METAP2: variants seen among roughly 807,000 people sequenced by gnomAD.
The protein encoded by METAP2 is methionyl aminopeptidase 2.
Under a neutral mutation model 59.4 loss-of-function variants are expected in METAP2, and 25 were observed. The ratio of observed to expected loss-of-function variants is 0.42; its 90% confidence interval spans 0.31 to 0.59. The LOEUF is 0.59. Ranked by LOEUF, METAP2 falls within the 20% of genes least tolerant of loss-of-function variation. The pLI, the probability that METAP2 is intolerant of heterozygous loss-of-function variation, is 0.16. For synonymous variants in METAP2, 214 were observed against 194.1 expected (o/e 1.10, Z -0.85); for missense variants, 366 against 581.2 (o/e 0.63, Z 3.81).
intron 3 of METAP2, among the ~76,000 whole-genome samples, chr12:95,485,477 TTTC>T (rs1309032796): frequency 6.6e-6 from 1 of 151,978 alleles, no homozygotes; most frequent in Non-Finnish European, 1.5e-5. Context: ...AATAATAGTT[TTTC>T]TTATTTTATT....
At chr12:95,475,166 A>T (rs889375159) in intron 1 of METAP2, among the ~76,000 whole-genome samples, 7 of 152,208 alleles carry the variant, frequency 4.6e-5, no homozygotes, top group African/African-American at 1.4e-4. Context: ...TCACCTTAAT[A>T]AAAATTATTT....
chr12:95,501,440 G>A (rs781031876), intron 7 of METAP2, among the ~76,000 whole-genome samples: 17 of 152,184 alleles, frequency 1.1e-4, no homozygotes, highest in South Asian at 8.3e-4. Context: ...AATTTTGGCC[G>A]CGCGCGGTGG....
chr12:95,507,758 A>T (rs2769433), intron 8 of METAP2, among the ~76,000 whole-genome samples: 96,857 of 151,034 alleles, frequency 0.64, 32,091 homozygotes, highest in African/African-American at 0.81. Context: ...GCATTAGATA[A>T]CCTTCCATGA....
chr12:95,483,014 G>C (rs2140141233), intron 2 of METAP2, among the ~76,000 whole-genome samples: 1 of 152,256 alleles, frequency 6.6e-6, no homozygotes, highest in South Asian at 2.1e-4. Context: ...TTCCCTAGTA[G>C]CTGGGACTAT....
At chr12:95,488,045 G>A (rs1025726301) in intron 4 of METAP2, among the ~76,000 whole-genome samples, 3 of 152,098 alleles carry the variant, frequency 2.0e-5, no homozygotes, top group African/African-American at 7.2e-5. Flanking sequence ...TCTGAAATAC[G>A]TTTTTAGGAG....
At chr12:95,510,488 C>A (rs901353498) in intron 8 of METAP2, among the ~76,000 whole-genome samples, 1 of 152,114 alleles carries the variant, frequency 6.6e-6, no homozygotes, top group Admixed American at 6.5e-5. Context: ...TCAAACTTGT[C>A]CTTTACAGGG....
chr12:95,482,698 A>C (rs1482696770), intron 2 of METAP2, among the ~76,000 whole-genome samples: 1 of 152,028 alleles, frequency 6.6e-6, no homozygotes. Flanking sequence ...AGGCTGAGAC[A>C]TGAGAATCAC....
rs373731072 is a variant in METAP2, at chr12:95,476,436, C to T, written c.259+258C>T. Reference sequence around the variant, plus strand: ...CTGAGGCAGGAGAATTGCTTGAGCCCGAGAGATGGAGGTTGCAGTGAGCTG... The same window carrying T: ...CTGAGGCAGGAGAATTGCTTGAGCCTGAGAGATGGAGGTTGCAGTGAGCTG... On this transcript the variant is annotated intron_variant, in intron 2 of 10. Transcript: ENST00000323666. Among the ~76,000 whole-genome samples, 340 of 151,832 alleles carry T rather than the reference C, an allele frequency of 2.2e-3. 2 individuals carry two copies. The highest frequency in any genetic ancestry group is 7.4e-3 in the African/African-American group (307 of 41,346).
At chr12:95,485,594 A>T (rs2076190369) in intron 3 of METAP2, among the ~76,000 whole-genome samples, 1 of 152,160 alleles carries the variant, frequency 6.6e-6, no homozygotes, top group African/African-American at 2.4e-5. Context: ...CATCTCTAGT[A>T]TAGTGAGTGA....
At chr12:95,492,975 A>G (rs2076250052) in intron 4 of METAP2, among the ~76,000 whole-genome samples, 1 of 152,256 alleles carries the variant, frequency 6.6e-6, no homozygotes. Flanking sequence ...AATTTTATTT[A>G]TAAAACAGGG....
intron 2 of METAP2, 25 bp from the exon 3 acceptor site, chr12:95,483,190 A>G: frequency 6.3e-7 from 1 of 1,582,774 alleles, no homozygotes; most frequent in Non-Finnish European, 8.7e-7. Flanking sequence ...TTAAATGAAC[A>G]TGTACTTGAA....
intron 4 of METAP2, among the ~76,000 whole-genome samples, chr12:95,487,186 T>TA (rs1332334619): frequency 1.3e-5 from 2 of 152,226 alleles, no homozygotes; most frequent in Non-Finnish European, 2.9e-5. Flanking sequence ...CCACAATATT[T>TA]ATAATACCAT....
At chr12:95,474,449 C>A in intron 1 of METAP2, 119 bp downstream of exon 1, 1 of 1,118,990 alleles carries the variant, frequency 8.9e-7, no homozygotes, top group Non-Finnish European at 1.3e-6. Context: ...ATTCTTGGGC[C>A]TGACAGGGTG....
chr12:95,481,823 G>T (rs186356488), intron 2 of METAP2, among the ~76,000 whole-genome samples: 1 of 152,122 alleles, frequency 6.6e-6, no homozygotes, highest in African/African-American at 2.4e-5. Flanking sequence ...ACATACACTA[G>T]GTATAGTGCT....
intron 4 of METAP2, among the ~76,000 whole-genome samples, chr12:95,488,663 G>T (rs56852466): frequency 0.076 from 11,550 of 151,698 alleles, 573 homozygotes; most frequent in African/African-American, 0.13. Context: ...TTTCTTTCCA[G>T]TGCAGAGTCA....
Position 95,491,438 on chromosome 12 carries a change from T to A in METAP2, c.429-2618T>A, listed in dbSNP as rs114283609. ...CCTTCTTATAGGCAGAGTTAAAATA[T>A]GCTTTATTTCTTACCCTTTAAGTAC... On this transcript the variant is annotated intron_variant, in intron 4 of 10. Transcript: ENST00000323666. 9.2e-3 allele frequency among the ~76,000 whole-genome samples: 1,398 copies of A among 152,332 alleles called. 28 individuals are homozygous for A. The highest frequency in any genetic ancestry group is 0.032 in the African/African-American group (1,339 of 41,586).
rs137949478 is a variant in METAP2, at chr12:95,512,830, T to C, written c.1098T>C (p.Phe366=). The change falls in exon 10 of 11, where the codon TTT becomes TTC. Residue 366 remains phenylalanine, a synonymous_variant. Transcript: ENST00000323666. ...EEGEVYAIET[F]GSTGKGVVHD... is the part of the protein sequence containing the mutation. ...GAGAAGTATATGCAATTGAAACCTT[T>C]GGTAGTACAGGAAAAGGTGTTGTTC... 1.9e-6 allele frequency: 3 copies of C among 1,611,726 alleles called. No individual in the cohort carries two copies. The African/African-American group carries it at 4.0e-5, about 22-fold the overall frequency.
chr12:95,495,726 T>C (rs1257238191), intron 6 of METAP2, among the ~76,000 whole-genome samples: 2 of 152,176 alleles, frequency 1.3e-5, no homozygotes, highest in Non-Finnish European at 1.5e-5. Flanking sequence ...TTTGTTTCTG[T>C]TTATATGTTT....
At chr12:95,507,758 A>C (rs2769433) in intron 8 of METAP2, among the ~76,000 whole-genome samples, 2 of 151,144 alleles carry the variant, frequency 1.3e-5, no homozygotes, top group East Asian at 1.9e-4. Flanking sequence ...GCATTAGATA[A>C]CCTTCCATGA....
Sources: gnomAD v4.1 joint callset for allele counts (sites outside exome capture counted in the v4.1 genomes callset) on GRCh38, gnomAD v4.1.1 for gene constraint, MANE v1.5 for transcripts, NCBI Gene and HGNC (gene_info 2026-07-23, HGNC 2026-07-21) for gene names.